ANAPC7: variants seen among roughly 807,000 people sequenced by gnomAD.
ANAPC7 encodes the protein anaphase-promoting complex subunit 7.
Under a neutral mutation model 63.3 loss-of-function variants are expected in ANAPC7, and 25 were observed. The ratio of observed to expected loss-of-function variants is 0.39; its 90% CI spans 0.29 to 0.55. The LOEUF (loss-of-function observed/expected upper bound fraction) is 0.55, where lower values mean the gene tolerates loss of function less well. ANAPC7 is among the 20% of genes least tolerant of loss of function. ANAPC7 has a pLI of 0.57. For synonymous variants in ANAPC7, 241 were observed against 251.7 expected (o/e 0.96, Z 0.40); for missense variants, 516 against 691.7 (o/e 0.75, Z 2.85).
At chr12:110,398,190 G>T (rs1436480966) in intron 1 of ANAPC7, among the ~76,000 whole-genome samples, 1 of 152,020 alleles carries the variant, frequency 6.6e-6, no homozygotes, top group Non-Finnish European at 1.5e-5. Flanking sequence ...AGGTTGGGGT[G>T]AGCCAAGATC....
intron 3 of ANAPC7, among the ~76,000 whole-genome samples, chr12:110,390,225 C>T (rs1188497991): frequency 5.3e-5 from 8 of 152,004 alleles, no homozygotes; most frequent in East Asian, 2.0e-4. Flanking sequence ...CCCGCCACCA[C>T]GCCCAGCTAA....
Position 110,387,299 on chromosome 12 carries a change from G to GAGAGAGAGAC in ANAPC7, c.674+439_674+440insGTCTCTCTCT, listed in dbSNP as rs1882618554. ...AGAGAGAGAGAGACAGAGAGAGAGA[G>GAGAGAGAGAC]AGAGAGAGAGACAGAGAGACAGAGA... On this transcript the variant is annotated intron_variant, in intron 5 of 10. Transcript: ENST00000455511. The GAGAGAGAGAC allele has an allele frequency of 3.8e-5, 5 of 130,242 alleles. 1 individual carries two copies. Among genetic ancestry groups the GAGAGAGAGAC allele is most frequent in the African/African-American group, 5.8e-5 (2 of 34,672 alleles). 8.1% of individuals were successfully genotyped at this position (130,242 alleles called of 1,614,324 possible).
chr12:110,402,929 G>A (rs2062253446), intron 1 of ANAPC7, among the ~76,000 whole-genome samples: 1 of 151,596 alleles, frequency 6.6e-6, no homozygotes, highest in Admixed American at 6.6e-5. Context: ...TTTCGTAGAG[G>A]CAGGGTCTCC....
chr12:110,399,401 G>C (rs1423443102), intron 1 of ANAPC7, among the ~76,000 whole-genome samples: 8 of 151,912 alleles, frequency 5.3e-5, no homozygotes, highest in Non-Finnish European at 1.2e-4. Flanking sequence ...CACTTTGGGA[G>C]GTTGAGGTGG....
chr12:110,382,978 A>G lies in ANAPC7; in HGVS notation c.818-18T>C. 1 of 1,592,130 alleles carries G rather than the reference A, an allele frequency of 6.3e-7. No homozygotes were observed. Reference sequence around the variant, plus strand: ...ATCCATTCCTAGAAGAGAAGGACATAGTGAGAAGAGGTGTTTTAAGAAGAG... The same window carrying G: ...ATCCATTCCTAGAAGAGAAGGACATGGTGAGAAGAGGTGTTTTAAGAAGAG... On this transcript the variant is annotated intron_variant, in intron 6 of 10. Coordinates refer to ENST00000455511, the MANE Select transcript of ANAPC7 (RefSeq NM_016238.3).
chr12:110,377,804 G>T, intron 8 of ANAPC7, 187 bp from the exon 9 acceptor site: 1 of 1,431,878 alleles, frequency 7.0e-7, no homozygotes, highest in Non-Finnish European at 9.1e-7. Flanking sequence ...CTTCCCCAGA[G>T]AACTTGATGG....
intron 8 of ANAPC7, among the ~76,000 whole-genome samples, chr12:110,380,004 A>G (rs567534455): frequency 6.6e-6 from 1 of 152,300 alleles, no homozygotes; most frequent in African/African-American, 2.4e-5. Context: ...ATGGATGTGG[A>G]GTTATCCCAC....
chr12:110,382,461 A>ATATATATATATATATATAT (rs1321570855), intron 7 of ANAPC7, among the ~76,000 whole-genome samples: 1 of 30,842 alleles, frequency 3.2e-5, no homozygotes, highest in African/African-American at 1.2e-4. Context: ...AAAAAAAAAA[A>ATATATATATATATATATAT]ATATATATAT....
chr12:110,394,205 A>C (rs1883357437), intron 3 of ANAPC7, among the ~76,000 whole-genome samples: 1 of 151,508 alleles, frequency 6.6e-6, no homozygotes. Flanking sequence ...AAAAATAAAA[A>C]ATAGGCTTGG....
intron 1 of ANAPC7, among the ~76,000 whole-genome samples, chr12:110,397,178 G>A (rs1162766924): frequency 1.3e-5 from 2 of 150,640 alleles, no homozygotes; most frequent in Non-Finnish European, 3.0e-5. Context: ...CAGCCTGGGC[G>A]ACAGAGCCAG....
Position 110,374,318 on chromosome 12 carries a change from G to A in ANAPC7, c.1524C>T (p.Asp508=). The part of the protein sequence containing the change: ...YSIALSLDPN[D]QKSLEGMQKM... ...TCTGCATCCCCTCTAGAGACTTCTG[G>A]TCATTGGGGTCCAAACTAGGGGACA... The change falls in exon 11 of 11, where the codon GAC becomes GAT. Residue 508 remains aspartate, a synonymous_variant. Coordinates refer to ENST00000455511, the MANE Select transcript of ANAPC7 (RefSeq NM_016238.3). The A allele has an allele frequency of 6.2e-7, 1 of 1,613,946 alleles. No homozygotes were observed. The highest frequency in any genetic ancestry group is 8.5e-7 in the Non-Finnish European group (1 of 1,179,982).
intron 6 of ANAPC7, among the ~76,000 whole-genome samples, chr12:110,383,875 C>CAAAAAAAAAAAAAAAAAAAAAAAAAA (rs1159374781): frequency 3.9e-5 from 2 of 50,674 alleles, no homozygotes; most frequent in African/African-American, 6.8e-5. Flanking sequence ...GACTCCGTCT[C>CAAAAAAAAAAAAAAAAAAAAAAAAAA]AAAAAAAAAA....
intron 10 of ANAPC7, among the ~76,000 whole-genome samples, chr12:110,374,822 G>A (rs1175198213): frequency 6.6e-6 from 1 of 152,122 alleles, no homozygotes; most frequent in Non-Finnish European, 1.5e-5. Flanking sequence ...CTGTACCATG[G>A]AACAGACTTG....
At chr12:110,396,957 A>G (rs1388502008) in intron 1 of ANAPC7, among the ~76,000 whole-genome samples, 1 of 152,088 alleles carries the variant, frequency 6.6e-6, no homozygotes, top group Non-Finnish European at 1.5e-5. Flanking sequence ...TAATCCCAGC[A>G]CTTTGGGAGG....
intron 9 of ANAPC7, among the ~76,000 whole-genome samples, chr12:110,377,136 C>CAAAA (rs35149960): frequency 2.2e-5 from 1 of 46,426 alleles, no homozygotes; most frequent in African/African-American, 8.4e-5. Flanking sequence ...GATGCCGTCT[C>CAAAA]AAAAAAAAAA....
At chr12:110,387,709 A>G in intron 5 of ANAPC7, 30 bp downstream of exon 5, 6 of 1,585,776 alleles carry the variant, frequency 3.8e-6, no homozygotes, top group Non-Finnish European at 5.2e-6. Context: ...AAGGGCCTCA[A>G]GAACACTGAA....
intron 6 of ANAPC7, among the ~76,000 whole-genome samples, chr12:110,384,707 A>C (rs555235817): frequency 1.3e-5 from 2 of 152,022 alleles, no homozygotes; most frequent in African/African-American, 4.8e-5. Context: ...AAAAAAAACA[A>C]AAAACCAAAG....
chr12:110,393,342 A>T (rs1421489997), intron 3 of ANAPC7, among the ~76,000 whole-genome samples: 1 of 152,210 alleles, frequency 6.6e-6, no homozygotes, highest in Non-Finnish European at 1.5e-5. Flanking sequence ...ATTTCCTATA[A>T]TAAGAAATAT....
chr12:110,387,683 G>C lies in ANAPC7; in HGVS notation c.674+56C>G, dbSNP rs1234559343. On this transcript the variant is annotated intron_variant, in intron 5 of 10. Transcript: ENST00000455511. ...TCTTTTTGCTACTTCAGATACATCA[G>C]ACTTCCAGACAAGCAAAGGGCCTCA... The C allele has an allele frequency of 2.6e-6, 4 of 1,557,560 alleles. No individual in the cohort carries two copies. The African/African-American group carries it at 4.1e-5, about 16-fold the overall frequency.
Sources: allele counts gnomAD v4.1 joint callset (sites outside exome capture counted in the v4.1 genomes callset), GRCh38; gene constraint gnomAD v4.1.1; transcripts MANE v1.5; gene names NCBI Gene and HGNC (gene_info 2026-07-23, HGNC 2026-07-21).